Variants in PCDHGA10 observed in about 807,000 individuals in gnomAD.
PCDHGA10 encodes the protein protocadherin gamma-A10.
PCDHGA10 carries 42 observed loss-of-function variants against 59.5 expected under a neutral mutation model. The ratio of observed to expected loss-of-function variants is 0.71; its 90% CI spans 0.55 to 0.91. PCDHGA10 has a LOEUF of 0.91. Among genes scored for constraint, PCDHGA10 ranks in the 40% least tolerant of loss-of-function variants. The pLI is 0.00. For synonymous variants in PCDHGA10, 511 were observed against 517.2 expected (o/e 0.99, Z 0.16); for missense variants, 1,111 against 1,198.2 (o/e 0.93, Z 1.07).
intron 1 of PCDHGA10, chr5:141,419,693 A>G (rs1241615790): frequency 6.2e-7 from 1 of 1,612,884 alleles, no homozygotes; most frequent in Non-Finnish European, 8.5e-7. Flanking sequence ...GGTGCAGGCC[A>G]GTGAGCCCGG....
At chr5:141,475,884 G>C (rs998700290) in intron 1 of PCDHGA10, 1 of 557,810 alleles carries the variant, frequency 1.8e-6, no homozygotes, top group Non-Finnish European at 3.2e-6. Flanking sequence ...TATTGGCTGG[G>C]ACTCTGTGTG....
rs762414791 is a variant in PCDHGA10 at position 141,418,601 on chromosome 5, A to G, written c.2436+2990A>G. The G allele has an allele frequency of 3.5e-5, 57 of 1,613,930 alleles. No individual in the cohort carries two copies. The highest frequency in any genetic ancestry group is 1.7e-6 in the Non-Finnish European group (2 of 1,179,902). On this transcript the variant is annotated intron_variant, in intron 1 of 3. Coordinates refer to ENST00000398610, the MANE Select transcript of PCDHGA10 (RefSeq NM_018913.3). ...CCCAGTGTTCAGCCAGGACGTGTAC[A>G]GGGTTAGCCTTCGGGAAGACGTGCC...
chr5:141,428,081 C>T (rs768842388), intron 1 of PCDHGA10: 2 of 1,609,218 alleles, frequency 1.2e-6, no homozygotes, highest in Non-Finnish European at 1.7e-6. Context: ...CGGGACACAA[C>T]GCTTGGCTGT....
At chr5:141,496,886 C>T (rs1562175671) in intron 2 of PCDHGA10, among the ~76,000 whole-genome samples, 1 of 135,246 alleles carries the variant, frequency 7.4e-6, no homozygotes, top group African/African-American at 2.9e-5. Context: ...ACAAGTAACA[C>T]TTAAAAAAAA....
rs1259098111 is a variant in PCDHGA10 at position 141,489,418 on chromosome 5, T to C, written c.2437-5389T>C. On this transcript the variant is annotated intron_variant, in intron 1 of 3. Coordinates refer to ENST00000398610, the MANE Select transcript of PCDHGA10 (RefSeq NM_018913.3). This position sits in a 1 kb window ranked among gnomAD's most constrained non-coding sequence, Gnocchi z 4.5. ...TCTGGGCTTAAAGATGACAGATCTGTTGAGCCGGCGGCTGCAATTGGGCTC... is the reference window on the plus strand; with the variant it reads ...TCTGGGCTTAAAGATGACAGATCTGCTGAGCCGGCGGCTGCAATTGGGCTC... The C allele has an allele frequency of 1.2e-6, 2 of 1,614,174 alleles. No individual in the cohort carries two copies. The highest frequency in any genetic ancestry group is 8.5e-7 in the Non-Finnish European group (1 of 1,180,032).
intron 1 of PCDHGA10, among the ~76,000 whole-genome samples, chr5:141,464,934 G>T (rs1353581045): frequency 1.3e-5 from 2 of 151,416 alleles, no homozygotes; most frequent in African/African-American, 4.8e-5. Flanking sequence ...GAGATGTGAG[G>T]TCTCACTATG....
chr5:141,491,612 G>A lies in PCDHGA10; in HGVS notation c.2437-3195G>A, dbSNP rs759955730. ...GACGGCAGTGACTTCACTTTTCTAAGACCCCTCAGCGTTCAGCAGCCCACA... is the reference window on the plus strand; with the variant it reads ...GACGGCAGTGACTTCACTTTTCTAAAACCCCTCAGCGTTCAGCAGCCCACA... On this transcript the variant is annotated intron_variant, in intron 1 of 3. Coordinates refer to ENST00000398610, the MANE Select transcript of PCDHGA10 (RefSeq NM_018913.3). The surrounding 1 kb of genome is among the most constrained non-coding windows in gnomAD (Gnocchi z 6.9). 6.2e-7 allele frequency: 1 copy of A among 1,613,906 alleles called. No individual in the cohort carries two copies. The highest frequency in any genetic ancestry group is 8.5e-7 in the Non-Finnish European group (1 of 1,180,026).
In PCDHGA10 at chr5:141,487,472, G is replaced by A. The variant is rs2099645737; in HGVS notation, c.2437-7335G>A. The A allele has an allele frequency of 2.5e-6, 4 of 1,614,178 alleles. No individual in the cohort carries two copies. Among genetic ancestry groups the A allele is most frequent in the Non-Finnish European group, 3.4e-6 (4 of 1,180,036 alleles). Reference sequence around the variant, plus strand: ...CCCTATCAAGTTTGTTGATGTGGGAGGCCACTCTCATGGCTGTACACCCTT... The same window carrying A: ...CCCTATCAAGTTTGTTGATGTGGGAAGCCACTCTCATGGCTGTACACCCTT... On this transcript the variant is annotated intron_variant, in intron 1 of 3. Coordinates refer to ENST00000398610, the MANE Select transcript of PCDHGA10 (RefSeq NM_018913.3). This position sits in a 1 kb window ranked among gnomAD's most constrained non-coding sequence, Gnocchi z 5.0.
chr5:141,422,239 G>C (rs2096636040), intron 1 of PCDHGA10: 3 of 1,566,586 alleles, frequency 1.9e-6, no homozygotes, highest in East Asian at 4.5e-5. Context: ...GTTGATCACT[G>C]TTGTGGATGT....
At position 141,432,032 on chromosome 5, in the gene PCDHGA10, A is replaced by G; in HGVS notation, c.2436+16421A>G. On this transcript the variant is annotated intron_variant, in intron 1 of 3. Coordinates refer to ENST00000398610, the MANE Select transcript of PCDHGA10 (RefSeq NM_018913.3). The surrounding 1 kb of genome is among the most constrained non-coding windows in gnomAD (Gnocchi z 6.0). ...TAGCTACAACATCACAGTGACCGCC[A>G]CTGACCGGGGAACCCCGCCCCTATC... 2 of 1,614,242 alleles carry G rather than the reference A, an allele frequency of 1.2e-6. No homozygotes were observed. Among genetic ancestry groups the G allele is most frequent in the South Asian group, 1.1e-5 (1 of 91,086 alleles).
rs181806844 is a variant in PCDHGA10 at position 141,445,046 on chromosome 5, G to T, written c.2436+29435G>T. Among the ~76,000 whole-genome samples the T allele has an allele frequency of 1.2e-4, 19 of 152,248 alleles. No individual in the cohort carries two copies. The East Asian group carries it at 3.7e-3, about 29-fold the overall frequency. ...TCAGCTATGTTGTATAGTTTTCAGT[G>T]TAGAGAGGTCATGTATATTTCTCAT... On this transcript the variant is annotated intron_variant, in intron 1 of 3. Transcript: ENST00000398610.
Position 141,413,818 on chromosome 5 carries a change from G to T in PCDHGA10, c.643G>T (p.Val215Phe). The change falls in exon 1 of 4, where the codon GTC (valine) becomes TTC (phenylalanine). Residue 215 changes from valine to phenylalanine, a missense_variant. Coordinates refer to ENST00000398610, the MANE Select transcript of PCDHGA10 (RefSeq NM_018913.3). ...CGAGGAAGAGGCCATTCACCACCTG[G>T]TCCTCACCGCCTCCGACGGGGGTGA... ...DREEEAIHHL[V>F]LTASDGGDPL... 1 of 1,613,138 alleles carries T rather than the reference G, an allele frequency of 6.2e-7. No individual in the cohort carries two copies. Among genetic ancestry groups the T allele is most frequent in the Non-Finnish European group, 8.5e-7 (1 of 1,179,858 alleles).
At chr5:141,474,130 C>T (rs28684928) in intron 1 of PCDHGA10, among the ~76,000 whole-genome samples, 6 of 152,160 alleles carry the variant, frequency 3.9e-5, no homozygotes. Context: ...TCTCAGAAAA[C>T]TACAGGCCTT....
intron 1 of PCDHGA10, among the ~76,000 whole-genome samples, chr5:141,464,964 A>G (rs1433148254): frequency 6.6e-6 from 1 of 152,030 alleles, no homozygotes; most frequent in Non-Finnish European, 1.5e-5. Flanking sequence ...CTTGTCTTGA[A>G]CTACTGGCTT....
chr5:141,428,223 A>C (rs539110667), intron 1 of PCDHGA10: 30 of 1,169,680 alleles, frequency 2.6e-5, no homozygotes, highest in Admixed American at 2.5e-4. Flanking sequence ...TAGTCTTCGC[A>C]GACAGCCTGC....
rs758599120 is a variant in PCDHGA10 at position 141,414,165 on chromosome 5, A to G, written c.990A>G (p.Ala330=). Residue 330 remains alanine, a synonymous_variant, in exon 1 of 4, where the codon GCA becomes GCG. Transcript: ENST00000398610. The stretch of plus-strand genomic sequence containing the variant: ...AAATACAAGCAGAAGATGGAGGAGC[A>G]TATCTTGCAACTGCAAAAGTGTTGA... ...EIEIQAEDGG[A]YLATAKVLIT... is the part of the protein sequence containing the mutation. 8 of 1,604,890 alleles carry G rather than the reference A, an allele frequency of 5.0e-6. No homozygotes were observed. The highest frequency in any genetic ancestry group is 2.2e-5 in the South Asian group (2 of 89,922).
At chr5:141,447,130 T>A (rs2098527397) in intron 1 of PCDHGA10, among the ~76,000 whole-genome samples, 1 of 152,146 alleles carries the variant, frequency 6.6e-6, no homozygotes, top group Admixed American at 6.6e-5. Context: ...TTTTTTTGTT[T>A]GTTTGTTTTT....
chr5:141,449,078 C>T (rs1342751417), intron 1 of PCDHGA10, among the ~76,000 whole-genome samples: 1 of 152,052 alleles, frequency 6.6e-6, no homozygotes, highest in Non-Finnish European at 1.5e-5. Flanking sequence ...AGCCCTGTAC[C>T]TACATCAGTT....
At position 141,432,595 on chromosome 5, in the gene PCDHGA10, C is replaced by G; in HGVS notation, c.2436+16984C>G. 6.2e-7 allele frequency: 1 copy of G among 1,613,756 alleles called. No individual in the cohort carries two copies. Among genetic ancestry groups the G allele is most frequent in the Admixed American group, 1.7e-5 (1 of 60,018 alleles). ...TGTCCTACCGTCTGCTCAAGGCCAG[C>G]GAGCCGGGACTCTTCTCGGTGGGTC... On this transcript the variant is annotated intron_variant, in intron 1 of 3. Transcript: ENST00000398610. This position sits in a 1 kb window ranked among gnomAD's most constrained non-coding sequence, Gnocchi z 6.0.
Sources: gnomAD v4.1 joint callset for allele counts (sites outside exome capture counted in the v4.1 genomes callset) on GRCh38, gnomAD v4.1.1 for gene constraint, Gnocchi (gnomAD v3.1) non-coding constraint, MANE v1.5 for transcripts, NCBI Gene and HGNC (gene_info 2026-07-23, HGNC 2026-07-21) for gene names.